MTCL2: variants seen among roughly 807,000 people sequenced by gnomAD.
MTCL2 encodes the protein microtubule cross-linking factor 2.
chr20:36,839,316 C>T, the MTCL2 span: 2 of 1,612,768 alleles, frequency 1.2e-6, no homozygotes, highest in Non-Finnish European at 1.7e-6. This position sits in a 1 kb window ranked among gnomAD's most constrained non-coding sequence, Gnocchi z 5.1. Flanking sequence ...GCCGGTACTG[C>T]AGGATGCGGC....
chr20:36,809,995 T>C, the MTCL2 span: 1 of 1,601,982 alleles, frequency 6.2e-7, no homozygotes, highest in Non-Finnish European at 8.5e-7. Flanking sequence ...GACCATTTTC[T>C]GGTTGAAATT....
chr20:36,828,098 C>T, the MTCL2 span, among the ~76,000 whole-genome samples: 5 of 152,334 alleles, frequency 3.3e-5, no homozygotes, highest in East Asian at 1.9e-4. Flanking sequence ...AGGCAGGCAG[C>T]GCCTGCAGCG....
chr20:36,825,156 T>C, the MTCL2 span, among the ~76,000 whole-genome samples: 1 of 152,152 alleles, frequency 6.6e-6, no homozygotes. Context: ...TTGGTCAGGC[T>C]GGTCTCGAAC....
the MTCL2 span, among the ~76,000 whole-genome samples, chr20:36,836,183 T>A: frequency 6.6e-6 from 1 of 151,466 alleles, no homozygotes; most frequent in South Asian, 2.1e-4. Context: ...ATTCTTTTTT[T>A]TCTTTTAGAG....
chr20:36,783,746 G>A, the MTCL2 span: 1 of 984,538 alleles, frequency 1.0e-6, no homozygotes, highest in Non-Finnish European at 1.2e-6. Context: ...GACTTAAAAG[G>A]CATTTGAAGA....
chr20:36,786,556 A>G, the MTCL2 span: 1 of 1,550,886 alleles, frequency 6.4e-7, no homozygotes, highest in Non-Finnish European at 8.7e-7. Flanking sequence ...CTGCACTTGG[A>G]AGGAGAGTGG....
chr20:36,859,733 G>A, the MTCL2 span: 18 of 1,231,802 alleles, frequency 1.5e-5, no homozygotes, highest in Admixed American at 4.2e-5. Flanking sequence ...GTAAGCCTGA[G>A]CAGGGCCACC....
At chr20:36,826,174 T>A in the MTCL2 span, among the ~76,000 whole-genome samples, 1 of 149,530 alleles carries the variant, frequency 6.7e-6, no homozygotes, top group African/African-American at 2.5e-5. Flanking sequence ...TCCTGGCTAA[T>A]TTTTTTTTGT....
At chr20:36,784,142 C>T in the MTCL2 span, 82 of 985,676 alleles carry the variant, frequency 8.3e-5, no homozygotes, top group African/African-American at 1.4e-3. Flanking sequence ...GGCTGTCGCT[C>T]TGGGAGGTGG....
At chr20:36,789,580 G>A in the MTCL2 span, among the ~76,000 whole-genome samples, 1 of 151,692 alleles carries the variant, frequency 6.6e-6, no homozygotes, top group African/African-American at 2.4e-5. Flanking sequence ...TACAAGAATC[G>A]CTTGAGCCTG....
the MTCL2 span, among the ~76,000 whole-genome samples, chr20:36,832,824 C>T: frequency 6.6e-6 from 1 of 151,944 alleles, no homozygotes; most frequent in African/African-American, 2.4e-5. Flanking sequence ...GCCTGGGTGA[C>T]AGAGCAATAC....
chr20:36,808,664 T>C, the MTCL2 span: 5 of 1,612,218 alleles, frequency 3.1e-6, no homozygotes, highest in Non-Finnish European at 4.2e-6. Flanking sequence ...CCAGAATTTC[T>C]GCTCCAGCCT....
chr20:36,856,535 C>T, the MTCL2 span, among the ~76,000 whole-genome samples: 1 of 152,256 alleles, frequency 6.6e-6, no homozygotes, highest in East Asian at 1.9e-4. Flanking sequence ...GACAATCGGT[C>T]CACTTCACTC....
the MTCL2 span, chr20:36,786,560 A>G: frequency 4.5e-6 from 7 of 1,550,918 alleles, no homozygotes; most frequent in Non-Finnish European, 6.1e-6. Flanking sequence ...ACTTGGAAGG[A>G]GAGTGGCGGA....
At chr20:36,806,373 C>G in the MTCL2 span, among the ~76,000 whole-genome samples, 1 of 152,156 alleles carries the variant, frequency 6.6e-6, no homozygotes, top group Non-Finnish European at 1.5e-5. Flanking sequence ...TGTGCTCAAG[C>G]AATCCTCCTG....
the MTCL2 span, among the ~76,000 whole-genome samples, chr20:36,838,870 A>T: frequency 6.6e-6 from 1 of 152,070 alleles, no homozygotes; most frequent in Non-Finnish European, 1.5e-5. Context: ...TGGGAGGCTG[A>T]GGCAAGAGAA....
chr20:36,839,484 CA>C, the MTCL2 span: 8 of 1,584,892 alleles, frequency 5.0e-6, no homozygotes, highest in Non-Finnish European at 6.9e-6. This position sits in a 1 kb window ranked among gnomAD's most constrained non-coding sequence, Gnocchi z 5.1. Flanking sequence ...CCCACAGTAG[CA>C]GCTAGGAGGC....
At chr20:36,859,466 C>G in the MTCL2 span, 1 of 749,294 alleles carries the variant, frequency 1.3e-6, no homozygotes, top group Non-Finnish European at 1.8e-6. Flanking sequence ...ATCAATCTCC[C>G]TCTGAACCCT....
the MTCL2 span, among the ~76,000 whole-genome samples, chr20:36,847,582 G>T: frequency 1.3e-5 from 2 of 152,182 alleles, no homozygotes; most frequent in Admixed American, 1.3e-4. Context: ...GCCAGGCGCG[G>T]TGGCTCACGC....
Sources: allele counts gnomAD v4.1 joint callset (sites outside exome capture counted in the v4.1 genomes callset), GRCh38; gene constraint gnomAD v4.1.1; non-coding constraint Gnocchi (gnomAD v3.1); transcripts MANE v1.5; gene names NCBI Gene and HGNC (gene_info 2026-07-23, HGNC 2026-07-21).